EXOC7: variants seen among roughly 807,000 people sequenced by gnomAD.
The protein encoded by EXOC7 is exocyst complex component Exo70.
Under a neutral mutation model 87.6 loss-of-function variants are expected in EXOC7, and 51 were observed. The ratio of observed to expected loss-of-function variants is 0.58; its 90% CI spans 0.46 to 0.73. EXOC7 has a LOEUF of 0.73. Ranked by LOEUF, EXOC7 falls within the 30% of genes least tolerant of loss-of-function variation. EXOC7 has a pLI of 0.00. For missense variants in EXOC7, 744 were observed against 888.4 expected (o/e 0.84, Z 2.07); for synonymous variants, 327 against 357.1 (o/e 0.92, Z 0.95).
Position 76,082,089 on chromosome 17 carries a change from C to A in EXOC7, c.*1559G>T. On this transcript the variant is annotated 3_prime_UTR_variant, in exon 19 of 19. Coordinates refer to ENST00000589210, the MANE Select transcript of EXOC7 (RefSeq NM_001013839.4). ...GGGGGTAAGGAATGAGGCCTAGGTGCACACCTAGGGCTGGGGTGAGGGCAC... is the reference window on the plus strand; with the variant it reads ...GGGGGTAAGGAATGAGGCCTAGGTGAACACCTAGGGCTGGGGTGAGGGCAC... 1 of 1,551,984 alleles carries A rather than the reference C, an allele frequency of 6.4e-7. No homozygotes were observed. The highest frequency in any genetic ancestry group is 8.7e-7 in the Non-Finnish European group (1 of 1,150,338).
intron 12 of EXOC7, chr17:76,087,354 G>C (rs1017998574): frequency 4.2e-6 from 2 of 471,774 alleles, no homozygotes; most frequent in Non-Finnish European, 7.6e-6. Flanking sequence ...ATTTGGGAGG[G>C]GGGCAGGGGC....
intron 15 of EXOC7, chr17:76,084,979 C>A: frequency 2.2e-6 from 1 of 460,398 alleles, no homozygotes; most frequent in Non-Finnish European, 3.9e-6. Context: ...CCTCACAGAG[C>A]AAGGCTCAGC....
At chr17:76,094,685 G>C (rs1009709407) in intron 5 of EXOC7, 104 bp from the exon 6 acceptor site, 9 of 1,160,580 alleles carry the variant, frequency 7.8e-6, no homozygotes, top group Non-Finnish European at 1.1e-5. Context: ...CTTAGCATCT[G>C]CTCCCTGCTC....
intron 5 of EXOC7, 141 bp from the exon 6 acceptor site, chr17:76,094,722 C>T (rs2144663132): frequency 1.3e-6 from 1 of 788,934 alleles, no homozygotes; most frequent in East Asian, 2.7e-5. Flanking sequence ...ATATCTTGTC[C>T]CAAATCAGGC....
At chr17:76,085,228 C>T (rs1040965723) in intron 15 of EXOC7, 86 bp downstream of exon 15, 62 of 1,128,236 alleles carry the variant, frequency 5.5e-5, no homozygotes, top group Non-Finnish European at 7.1e-5. Flanking sequence ...TCCCCGTGAC[C>T]GACTCTGTGT....
Position 76,097,895 on chromosome 17 carries a change from C to T in EXOC7, c.541G>A (p.Glu181Lys), listed in dbSNP as rs941380423. 1 of 1,613,994 alleles carries T rather than the reference C, an allele frequency of 6.2e-7. No individual in the cohort carries two copies. The highest frequency in any genetic ancestry group is 8.5e-7 in the Non-Finnish European group (1 of 1,179,998). ...TCCAGGGTCACGTCCTCCTGGGCCT[C>T]CAGATCATCGTCACCACTGATCAGA... ...LDLISGDDDL[E>K]AQEDVTLEHL... The change falls in exon 5 of 19, where the codon GAG (glutamate) becomes AAG (lysine). Residue 181 changes from glutamate to lysine, a missense_variant. Glu to Lys is a moderately conservative substitution (Grantham distance 56). Coordinates refer to ENST00000589210, the MANE Select transcript of EXOC7 (RefSeq NM_001013839.4).
chr17:76,101,145 T>G, intron 4 of EXOC7, 126 bp downstream of exon 4: 1 of 1,422,282 alleles, frequency 7.0e-7, no homozygotes, highest in Non-Finnish European at 9.3e-7. Context: ...GCCTATAGGA[T>G]GTACTGTGCT....
At chr17:76,087,857 T>C in intron 11 of EXOC7, 137 bp from the exon 12 acceptor site, 1 of 1,033,568 alleles carries the variant, frequency 9.7e-7, no homozygotes. Context: ...AAACTTCATT[T>C]TCACTCTAGC....
In EXOC7 at chr17:76,097,913, T is replaced by C. The variant is rs2067853735; in HGVS notation, c.523A>G (p.Ser175Gly). 2 of 1,613,954 alleles carry C rather than the reference T, an allele frequency of 1.2e-6. No homozygotes were observed. Among genetic ancestry groups the C allele is most frequent in the South Asian group, 1.1e-5 (1 of 91,076 alleles). ...TGGGCCTCCAGATCATCGTCACCAC[T>C]GATCAGATCCAAGATGAGCACGGGC... Reference protein sequence around the residue: ...VSPVLILDLISGDDDLEAQED... With the variant: ...VSPVLILDLIGGDDDLEAQED... The change falls in exon 5 of 19, where the codon AGT (serine) becomes GGT (glycine). Residue 175 changes from serine (S) to glycine (G), a missense_variant. Ser to Gly is a moderately conservative substitution (Grantham distance 56, BLOSUM62 0). Coordinates refer to ENST00000589210, the MANE Select transcript of EXOC7 (RefSeq NM_001013839.4).
At chr17:76,084,763 G>T in intron 15 of EXOC7, 183 bp from the exon 16 acceptor site, 1 of 605,296 alleles carries the variant, frequency 1.7e-6, no homozygotes, top group East Asian at 2.8e-5. Flanking sequence ...GTCACTTTTT[G>T]AGATAACATT....
intron 11 of EXOC7, 71 bp downstream of exon 11, chr17:76,087,989 C>T: frequency 6.4e-7 from 1 of 1,564,580 alleles, no homozygotes; most frequent in Non-Finnish European, 8.8e-7. Context: ...CACCAGTACT[C>T]TGCCTGGCCC....
chr17:76,097,483 C>G (rs550600906), intron 5 of EXOC7, among the ~76,000 whole-genome samples: 1 of 152,072 alleles, frequency 6.6e-6, no homozygotes, highest in African/African-American at 2.4e-5. Context: ...GTGGGCAGAT[C>G]ACCTGAGGTC....
chr17:76,090,057 C>A (rs951841065), intron 7 of EXOC7, among the ~76,000 whole-genome samples: 2 of 152,246 alleles, frequency 1.3e-5, no homozygotes, highest in Non-Finnish European at 2.9e-5. Flanking sequence ...GGGCTCCCTG[C>A]CCTCAAGGGA....
chr17:76,101,160 C>A, intron 4 of EXOC7, 111 bp downstream of exon 4: 4 of 1,581,486 alleles, frequency 2.5e-6, no homozygotes, highest in Non-Finnish European at 3.4e-6. Flanking sequence ...TGTGCTATAT[C>A]CTTCTGTGTA....
Position 76,088,807 on chromosome 17 carries a change from G to A in EXOC7, c.1164C>T (p.Leu388=). The change falls in exon 9 of 19, where the codon CTC becomes CTT. Residue 388 remains leucine (L), a synonymous_variant. Coordinates refer to ENST00000589210, the MANE Select transcript of EXOC7 (RefSeq NM_001013839.4). ...GGTCAAACTCAGGCTTGGTCTGCTT[G>A]AGGTGTCGCAGGATGGGGAAGACGG... ...VLTVFPILRH[L]KQTKPEFDQV... 6.2e-7 allele frequency: 1 copy of A among 1,613,910 alleles called. No individual in the cohort carries two copies. Among genetic ancestry groups the A allele is most frequent in the Non-Finnish European group, 8.5e-7 (1 of 1,180,038 alleles).
intron 10 of EXOC7, 42 bp from the exon 11 acceptor site, chr17:76,088,164 C>T: frequency 6.3e-7 from 1 of 1,598,100 alleles, no homozygotes; most frequent in Non-Finnish European, 8.6e-7. Flanking sequence ...CAGCCCCCAG[C>T]CCACCCCATG....
chr17:76,092,561 G>A (rs1015291798), intron 6 of EXOC7: 2 of 152,222 alleles, frequency 1.3e-5, no homozygotes, highest in African/African-American at 4.8e-5. Flanking sequence ...GCCTCCCGAA[G>A]TGCTAGGATT....
intron 2 of EXOC7, 182 bp downstream of exon 2, chr17:76,103,179 A>C: frequency 1.6e-6 from 1 of 611,846 alleles, no homozygotes; most frequent in Non-Finnish European, 2.9e-6. Flanking sequence ...CAGTGAGGGT[A>C]CGGAACATGG....
intron 7 of EXOC7, among the ~76,000 whole-genome samples, chr17:76,089,961 C>T (rs955420678): frequency 2.6e-5 from 4 of 152,234 alleles, no homozygotes; most frequent in East Asian, 1.9e-4. Context: ...CAGGCAAAAC[C>T]GGCGGCAGAA....
Sources: gnomAD v4.1 joint callset for allele counts (sites outside exome capture counted in the v4.1 genomes callset) on GRCh38, gnomAD v4.1.1 for gene constraint, MANE v1.5 for transcripts, NCBI Gene and HGNC (gene_info 2026-07-23, HGNC 2026-07-21) for gene names.